Variants in VPS54 observed in about 807,000 individuals in gnomAD.
VPS54 encodes vacuolar protein sorting-associated protein 54.
Under a neutral mutation model 121.5 loss-of-function variants are expected in VPS54, and 45 were observed. That is an observed-to-expected ratio of 0.37 (90% CI 0.29 to 0.47). VPS54 has a LOEUF of 0.47. VPS54 is among the 20% of genes least tolerant of loss of function. The pLI is 0.99. For synonymous variants in VPS54, 371 were observed against 385.8 expected (o/e 0.96, Z 0.45); for missense variants, 1,090 against 1,131.4 (o/e 0.96, Z 0.52).
rs2104385798 is a variant in VPS54 at position 63,893,014 on chromosome 2, TTA to T, written c.*414_*415del. 1 of 156,348 alleles carries T rather than the reference TTA, an allele frequency of 6.4e-6. No homozygotes were observed. The highest frequency in any genetic ancestry group is 2.0e-4 in the South Asian group (1 of 4,932). 9.7% of individuals were successfully genotyped at this position (156,348 alleles called of 1,614,324 possible). A position where few individuals can be genotyped will look rare whatever the true frequency, so the allele number is the denominator to read the frequency against. The stretch of plus-strand genomic sequence containing the variant: ...CTTTCTACAGAAGTTGACTAAGATT[TTA>T]AATTGTACCATCATTAAATAAGGTG... On this transcript the variant is annotated 3_prime_UTR_variant, in exon 23 of 23. Coordinates refer to ENST00000272322, the MANE Select transcript of VPS54 (RefSeq NM_016516.3).
intron 9 of VPS54, 34 bp from the exon 10 acceptor site, chr2:63,944,689 A>C (rs748436514): frequency 2.0e-6 from 3 of 1,536,014 alleles, no homozygotes; most frequent in Non-Finnish European, 2.7e-6. Flanking sequence ...AAACAATTTG[A>C]TTAATTGTCT....
intron 20 of VPS54, among the ~76,000 whole-genome samples, chr2:63,904,047 AAG>A (rs1672799499): frequency 6.6e-6 from 1 of 152,194 alleles, no homozygotes; most frequent in Non-Finnish European, 1.5e-5. Context: ...CAAGGATAGT[AAG>A]AGAAACACTA....
chr2:63,929,778 A>C (rs968687306), intron 12 of VPS54, among the ~76,000 whole-genome samples: 7 of 147,822 alleles, frequency 4.7e-5, no homozygotes, highest in African/African-American at 1.7e-4. Flanking sequence ...AGCAAGACTA[A>C]TAAGAAGAGA....
intron 8 of VPS54, among the ~76,000 whole-genome samples, chr2:63,948,678 G>C (rs1008972654): frequency 6.6e-6 from 1 of 152,074 alleles, no homozygotes; most frequent in Non-Finnish European, 1.5e-5. Flanking sequence ...TGGGATTACA[G>C]GCATGGAGCC....
At chr2:64,009,283 G>A (rs1042864938) in intron 1 of VPS54, among the ~76,000 whole-genome samples, 11 of 151,566 alleles carry the variant, frequency 7.3e-5, no homozygotes, top group African/African-American at 2.7e-4. Flanking sequence ...TATAAGACCA[G>A]GACTATTCCA....
At chr2:63,975,705 A>G (rs1000171602) in intron 3 of VPS54, 7 of 152,196 alleles carry the variant, frequency 4.6e-5, no homozygotes, top group African/African-American at 1.7e-4. Context: ...TTGTCCTTAA[A>G]AACTCTGATC....
chr2:63,945,626 A>C (rs1212340138), intron 9 of VPS54, among the ~76,000 whole-genome samples: 10 of 152,206 alleles, frequency 6.6e-5, no homozygotes, highest in African/African-American at 2.4e-4. Context: ...ACAGTGTTTG[A>C]AAAGCTGATT....
Position 64,011,343 on chromosome 2 carries a change from A to T in VPS54, c.-21+7595T>A, listed in dbSNP as rs147803512. Among the ~76,000 whole-genome samples, 662 of 152,056 alleles carry T rather than the reference A, an allele frequency of 4.4e-3. 10 individuals carry two copies. Among genetic ancestry groups the T allele is most frequent in the African/African-American group, 0.015 (630 of 41,498 alleles). On this transcript the variant is annotated intron_variant, in intron 1 of 22. Coordinates refer to ENST00000272322, the MANE Select transcript of VPS54 (RefSeq NM_016516.3). The stretch of plus-strand genomic sequence containing the variant: ...AGCACTTTGGGAGGCTGAGGCAGGC[A>T]GGTCACAAGGACAGGATATCCAGAC...
intron 1 of VPS54, among the ~76,000 whole-genome samples, chr2:63,996,741 A>C (rs757164626): frequency 2.6e-5 from 4 of 152,158 alleles, no homozygotes; most frequent in South Asian, 2.1e-4. Flanking sequence ...ATGCAGTTGT[A>C]GATAGGGATG....
At position 63,933,868 on chromosome 2, in the gene VPS54, C is replaced by G; in HGVS notation, c.1544G>C (p.Gly515Ala). ...DTEVAYLIHE[G>A]MFISDAFGEG... ...ACCGAATGCATCACTTATAAACATGCCTTCATGGATTAAATAAGCCACCTC... is the reference window on the plus strand; with the variant it reads ...ACCGAATGCATCACTTATAAACATGGCTTCATGGATTAAATAAGCCACCTC... The change falls in exon 12 of 23, where the codon GGC (glycine) becomes GCC (alanine). Residue 515 changes from glycine to alanine, a missense_variant. Coordinates refer to ENST00000272322, the MANE Select transcript of VPS54 (RefSeq NM_016516.3). 6.2e-7 allele frequency: 1 copy of G among 1,613,796 alleles called. No individual in the cohort carries two copies.
At chr2:63,952,149 A>G (rs1037532975) in intron 7 of VPS54, among the ~76,000 whole-genome samples, 1 of 152,204 alleles carries the variant, frequency 6.6e-6, no homozygotes, top group African/African-American at 2.4e-5. Flanking sequence ...ACTGTGCAAC[A>G]TCGCTTAAGT....
rs147328874 is a variant in VPS54, at chr2:63,926,500, C to T, written c.1740-5165G>A. On this transcript the variant is annotated intron_variant, in intron 12 of 22. Transcript: ENST00000272322. ...ACCATAAGTTGATTTACATAAAGTA[C>T]TGAGCTGACCGGTCGCTCCCAAGAT... Among the ~76,000 whole-genome samples the T allele has an allele frequency of 1.3e-3, 203 of 152,312 alleles. 1 individual carries two copies. The highest frequency in any genetic ancestry group is 4.7e-3 in the African/African-American group (196 of 41,564).
chr2:63,975,002 G>A, intron 3 of VPS54: 1 of 1,549,862 alleles, frequency 6.5e-7, no homozygotes. Context: ...CCTGTTCTTA[G>A]TGGGAAGCAT....
chr2:63,912,243 G>T, intron 20 of VPS54, 102 bp downstream of exon 20: 1 of 1,120,180 alleles, frequency 8.9e-7, no homozygotes, highest in Non-Finnish European at 1.3e-6. Context: ...TCCTATGAAA[G>T]TTTAGATTAT....
chr2:63,916,992 C>T (rs1673410683), intron 15 of VPS54, 29 bp from the exon 16 acceptor site: 4 of 1,609,908 alleles, frequency 2.5e-6, no homozygotes, highest in Admixed American at 1.7e-5. Flanking sequence ...AAACGAGAGA[C>T]AAGAGTACCA....
At chr2:63,957,692 A>G (rs1675567025) in intron 7 of VPS54, among the ~76,000 whole-genome samples, 1 of 152,176 alleles carries the variant, frequency 6.6e-6, no homozygotes, top group Non-Finnish European at 1.5e-5. Flanking sequence ...CTTTGAATAG[A>G]GACAGGAAGA....
chr2:63,921,640 A>C (rs556874219), intron 12 of VPS54, among the ~76,000 whole-genome samples: 5 of 151,964 alleles, frequency 3.3e-5, no homozygotes, highest in Admixed American at 2.0e-4. Flanking sequence ...CAAACCCCCT[A>C]CCTCAGCCTC....
intron 3 of VPS54, chr2:63,975,151 T>C (rs191471362): frequency 2.7e-4 from 231 of 853,174 alleles, no homozygotes; most frequent in Middle Eastern, 2.2e-3. Context: ...GTCCAAGTGA[T>C]TCTCATGCCT....
intron 20 of VPS54, among the ~76,000 whole-genome samples, chr2:63,903,608 G>C (rs1488585839): frequency 6.6e-6 from 1 of 152,088 alleles, no homozygotes; most frequent in Non-Finnish European, 1.5e-5. Flanking sequence ...GAAGTAAAAT[G>C]TATGACAATA....
Sources: gnomAD v4.1 joint callset for allele counts (sites outside exome capture counted in the v4.1 genomes callset) on GRCh38, gnomAD v4.1.1 for gene constraint, MANE v1.5 for transcripts, NCBI Gene and HGNC (gene_info 2026-07-23, HGNC 2026-07-21) for gene names.